The following TRHDE variants were observed in gnomAD, a reference collection of about 807,000 sequenced individuals.
TRHDE encodes thyrotropin releasing hormone degrading enzyme, also known as thyrotropin-releasing hormone-degrading ectoenzyme.
Under a neutral mutation model 125.7 loss-of-function variants are expected in TRHDE, and 72 were observed. The ratio of observed to expected loss-of-function variants is 0.57; its 90% confidence interval spans 0.47 to 0.70. The LOEUF (loss-of-function observed/expected upper bound fraction) is 0.70. TRHDE is among the 30% of genes least tolerant of loss of function. The pLI, the probability that TRHDE is intolerant of heterozygous loss-of-function variation, is 0.00. For missense variants in TRHDE, 1,110 were observed against 1,327.1 expected (o/e 0.84, Z 2.54); for synonymous variants, 509 against 509.1 (o/e 1.00, Z 0.00).
intron 2 of TRHDE, among the ~76,000 whole-genome samples, chr12:72,369,040 G>GGAAAGTGA (rs1448698288): frequency 6.6e-6 from 1 of 152,130 alleles, no homozygotes; most frequent in East Asian, 1.9e-4. Flanking sequence ...TTGACTTGTG[G>GGAAAGTGA]GAAAGTGAGA....
chr12:72,107,666 C>G (rs116716661), intron 2 of TRHDE, among the ~76,000 whole-genome samples: 5,398 of 152,186 alleles, frequency 0.035, 366 homozygotes, highest in African/African-American at 0.12. Flanking sequence ...TTTGCAGACA[C>G]AGAATTTTCA....
intron 1 of TRHDE, among the ~76,000 whole-genome samples, chr12:72,275,964 A>AT (rs376534643): frequency 5.3e-5 from 8 of 151,148 alleles, no homozygotes; most frequent in East Asian, 1.9e-4. Flanking sequence ...CTTGTTCTTC[A>AT]TTTTTTTTTC....
At chr12:72,398,148 A>G (rs1048466523) in intron 3 of TRHDE, among the ~76,000 whole-genome samples, 42 of 151,928 alleles carry the variant, frequency 2.8e-4, no homozygotes, top group Non-Finnish European at 5.4e-4. Context: ...CCATGTCCCT[A>G]CAAAGGACAT....
At chr12:72,571,974 AACACACACAC>A (rs59206098) in intron 10 of TRHDE, among the ~76,000 whole-genome samples, 58 of 127,516 alleles carry the variant, frequency 4.5e-4, no homozygotes, top group South Asian at 9.1e-4. Context: ...TGACTCTGCA[AACACACACAC>A]ACACACACAC....
chr12:72,101,023 C>T (rs975323361), intron 1 of TRHDE, among the ~76,000 whole-genome samples: 2 of 152,148 alleles, frequency 1.3e-5, no homozygotes, highest in Non-Finnish European at 2.9e-5. Flanking sequence ...AAGTGATGTG[C>T]TAGTGTGACT....
chr12:72,476,333 C>T (rs572967661), intron 5 of TRHDE, among the ~76,000 whole-genome samples: 1 of 152,142 alleles, frequency 6.6e-6, no homozygotes, highest in East Asian at 1.9e-4. Flanking sequence ...AACAAATTGC[C>T]CCTCCATATA....
At chr12:72,228,607 G>A (rs924910792) in intron 2 of TRHDE, among the ~76,000 whole-genome samples, 4 of 152,182 alleles carry the variant, frequency 2.6e-5, no homozygotes, top group African/African-American at 9.6e-5. Context: ...CTCAGAAAAT[G>A]AGTTTTTCTT....
chr12:72,110,168 T>C (rs1040587707), intron 2 of TRHDE, among the ~76,000 whole-genome samples: 1 of 152,068 alleles, frequency 6.6e-6, no homozygotes, highest in African/African-American at 2.4e-5. Context: ...TGTAGAAATG[T>C]GGGATTGGGA....
intron 3 of TRHDE, among the ~76,000 whole-genome samples, chr12:72,414,253 C>G (rs1873636276): frequency 6.6e-6 from 1 of 151,944 alleles, no homozygotes; most frequent in Admixed American, 6.6e-5. Flanking sequence ...TTTAAGGAAG[C>G]AATGAAACTA....
chr12:72,114,893 C>A (rs185719297), intron 2 of TRHDE, among the ~76,000 whole-genome samples: 1 of 152,002 alleles, frequency 6.6e-6, no homozygotes, highest in East Asian at 1.9e-4. Context: ...TGGTATGGTT[C>A]CTGCAAGGTT....
intron 6 of TRHDE, among the ~76,000 whole-genome samples, chr12:72,515,522 T>C (rs192920380): frequency 7.4e-4 from 112 of 152,350 alleles, no homozygotes; most frequent in African/African-American, 2.3e-3. Flanking sequence ...TTGACTTCAT[T>C]GTAGATTCTA....
intron 7 of TRHDE, among the ~76,000 whole-genome samples, chr12:72,546,786 G>A (rs1869440735): frequency 6.6e-6 from 1 of 151,600 alleles, no homozygotes; most frequent in South Asian, 2.1e-4. Flanking sequence ...AGGCATTTGG[G>A]TTTCATAGGG....
chr12:72,588,480 G>T (rs1434583304), intron 12 of TRHDE, among the ~76,000 whole-genome samples: 2 of 152,150 alleles, frequency 1.3e-5, no homozygotes, highest in Non-Finnish European at 2.9e-5. Context: ...ATGTGTTTAG[G>T]CAGGAAAAGG....
chr12:72,478,064 C>T (rs911722435), intron 5 of TRHDE, among the ~76,000 whole-genome samples: 2 of 152,122 alleles, frequency 1.3e-5, no homozygotes, highest in East Asian at 1.9e-4. Flanking sequence ...AGGACACATA[C>T]CTGGGCATAA....
intron 6 of TRHDE, among the ~76,000 whole-genome samples, chr12:72,516,054 G>A (rs1350684959): frequency 6.6e-6 from 1 of 151,692 alleles, no homozygotes; most frequent in Non-Finnish European, 1.5e-5. Flanking sequence ...GCCTTGTGTA[G>A]TATAGTTTGA....
intron 2 of TRHDE, among the ~76,000 whole-genome samples, chr12:72,192,661 G>A (rs2139349716): frequency 6.6e-6 from 1 of 152,150 alleles, no homozygotes; most frequent in Admixed American, 6.5e-5. Context: ...TTTTGTTGTT[G>A]TGGTATGAAC....
chr12:72,591,694 A>G (rs1871693462), intron 12 of TRHDE, among the ~76,000 whole-genome samples: 1 of 136,600 alleles, frequency 7.3e-6, no homozygotes, highest in African/African-American at 3.0e-5. Flanking sequence ...ATTCTCTAAG[A>G]GTTTTCTTTT....
At chr12:72,225,067 G>A (rs1186146610) in intron 2 of TRHDE, among the ~76,000 whole-genome samples, 1 of 152,144 alleles carries the variant, frequency 6.6e-6, no homozygotes, top group Non-Finnish European at 1.5e-5. Flanking sequence ...AAGCATTGGA[G>A]TTCTGCAGAG....
Position 72,423,781 on chromosome 12 carries a change from G to A in TRHDE, c.1315+45660G>A, listed in dbSNP as rs184393239. Among the ~76,000 whole-genome samples the A allele has an allele frequency of 3.4e-4, 51 of 152,106 alleles. No individual in the cohort carries two copies. The South Asian group carries it at 8.9e-3, about 27-fold the overall frequency. On this transcript the variant is annotated intron_variant, in intron 3 of 18. Coordinates refer to ENST00000261180, the MANE Select transcript of TRHDE (RefSeq NM_013381.3). The stretch of plus-strand genomic sequence containing the variant: ...TTGTCTAGGTGTGTTGCGTGTAATC[G>A]GAAGAGTCTTTAAAAGTGGAAGAGG...
Sources: allele counts gnomAD v4.1 joint callset (sites outside exome capture counted in the v4.1 genomes callset), GRCh38; gene constraint gnomAD v4.1.1; transcripts MANE v1.5; gene names NCBI Gene and HGNC (gene_info 2026-07-23, HGNC 2026-07-21).